The following CCDC7 variants were observed in gnomAD, a reference collection of about 807,000 sequenced individuals.
CCDC7 encodes coiled-coil domain containing 7.
A neutral mutation model predicts 196.9 loss-of-function variants in CCDC7; 183 were observed. The ratio of observed to expected loss-of-function variants is 0.93; its 90% CI spans 0.82 to 1.05. The LOEUF (loss-of-function observed/expected upper bound fraction) is 1.05. Among genes scored for constraint, CCDC7 ranks in the 50% least tolerant of loss-of-function variants. CCDC7 has a pLI of 0.00. For synonymous variants in CCDC7, 525 were observed against 484.6 expected, an observed-to-expected ratio of 1.08 and a Z score of -1.10; for missense variants, 1,540 against 1,482.2, an observed-to-expected ratio of 1.04 and a Z score of -0.64.
intron 20 of CCDC7, among the ~76,000 whole-genome samples, chr10:32,644,946 T>G (rs2067490934): frequency 6.6e-6 from 1 of 152,220 alleles, no homozygotes; most frequent in Non-Finnish European, 1.5e-5. Flanking sequence ...CAATTAAACC[T>G]CTTTTCTTTG....
intron 28 of CCDC7, among the ~76,000 whole-genome samples, chr10:32,774,536 G>C (rs993673618): frequency 4.6e-5 from 7 of 152,232 alleles, no homozygotes; most frequent in African/African-American, 1.7e-4. Context: ...CCTCTTACCA[G>C]CATCAGATTT....
At chr10:32,743,723 A>G (rs1026404057) in intron 28 of CCDC7, among the ~76,000 whole-genome samples, 3 of 152,138 alleles carry the variant, frequency 2.0e-5, no homozygotes, top group African/African-American at 7.2e-5. Flanking sequence ...ACAATAGCAA[A>G]GACTTGGAAC....
At chr10:32,643,271 G>A (rs1299514298) in intron 20 of CCDC7, among the ~76,000 whole-genome samples, 1 of 152,040 alleles carries the variant, frequency 6.6e-6, no homozygotes, top group African/African-American at 2.4e-5. Context: ...CTGAATCTCT[G>A]GTAAGGTTAT....
chr10:32,610,637 T>C (rs961658910), intron 18 of CCDC7, among the ~76,000 whole-genome samples: 5 of 152,134 alleles, frequency 3.3e-5, no homozygotes, highest in Non-Finnish European at 7.3e-5. Flanking sequence ...ATGTTCTCAT[T>C]GTTCAACTCC....
At chr10:32,769,042 C>T (rs917217276) in intron 28 of CCDC7, among the ~76,000 whole-genome samples, 1 of 152,056 alleles carries the variant, frequency 6.6e-6, no homozygotes, top group Non-Finnish European at 1.5e-5. Flanking sequence ...AGAGGATTCT[C>T]TCTTTTTATA....
intron 24 of CCDC7, among the ~76,000 whole-genome samples, chr10:32,698,479 C>G (rs1232543809): frequency 2.0e-5 from 3 of 152,060 alleles, no homozygotes; most frequent in Non-Finnish European, 4.4e-5. Context: ...GACTGGCTAA[C>G]TAGAATAAAC....
At chr10:32,790,858 G>C (rs2082583670) in intron 29 of CCDC7, among the ~76,000 whole-genome samples, 1 of 152,152 alleles carries the variant, frequency 6.6e-6, no homozygotes. Flanking sequence ...GGATACTTCA[G>C]TAGTTTTGCA....
exon 31 of CCDC7, chr10:32,814,436 G>T (rs117833411): frequency 6.2e-7 from 1 of 1,610,002 alleles, no homozygotes; most frequent in South Asian, 1.1e-5. Context: ...TTCAAGACAC[G>T]ATCAAAGAGT....
intron 33 of CCDC7, among the ~76,000 whole-genome samples, chr10:32,841,231 A>T (rs2092951110): frequency 6.6e-6 from 1 of 152,004 alleles, no homozygotes; most frequent in African/African-American, 2.4e-5. Flanking sequence ...TGATGATATG[A>T]TCATATACCT....
intron 28 of CCDC7, among the ~76,000 whole-genome samples, chr10:32,756,402 G>C (rs892121815): frequency 6.6e-6 from 1 of 152,318 alleles, no homozygotes; most frequent in South Asian, 2.1e-4. Context: ...GACTAACAGC[G>C]GATCTCTCCG....
chr10:32,783,826 T>C (rs1254751599), intron 29 of CCDC7, among the ~76,000 whole-genome samples: 1 of 152,242 alleles, frequency 6.6e-6, no homozygotes, highest in South Asian at 2.1e-4. Flanking sequence ...AAATGAATCA[T>C]GTTCTGAAAC....
intron 5 of CCDC7, among the ~76,000 whole-genome samples, chr10:32,466,839 G>C (rs2036899309): frequency 6.6e-6 from 1 of 152,052 alleles, no homozygotes; most frequent in South Asian, 2.1e-4. Flanking sequence ...GATATTTGAG[G>C]AATCATCACA....
At chr10:32,687,163 A>G (rs1322672755) in intron 22 of CCDC7, among the ~76,000 whole-genome samples, 2 of 152,350 alleles carry the variant, frequency 1.3e-5, no homozygotes, top group East Asian at 3.9e-4. Flanking sequence ...TGGAGTTTAT[A>G]GGCACCCAAG....
chr10:32,667,971 T>A (rs1379147582), intron 21 of CCDC7, among the ~76,000 whole-genome samples: 1 of 152,062 alleles, frequency 6.6e-6, no homozygotes, highest in African/African-American at 2.4e-5. Flanking sequence ...GTATGGCCAT[T>A]TTCACGATAT....
intron 18 of CCDC7, among the ~76,000 whole-genome samples, chr10:32,607,882 TTGG>T (rs1243036530): frequency 6.6e-6 from 1 of 152,104 alleles, no homozygotes; most frequent in Non-Finnish European, 1.5e-5. Context: ...TTGAGAAGAA[TTGG>T]TGTTAGTTTC....
intron 30 of CCDC7, among the ~76,000 whole-genome samples, chr10:32,808,371 C>T (rs1463287839): frequency 2.6e-5 from 4 of 152,292 alleles, no homozygotes; most frequent in Middle Eastern, 3.4e-3. Context: ...AGGCCGGGGG[C>T]TCATCCTGCC....
intron 9 of CCDC7, among the ~76,000 whole-genome samples, chr10:32,497,916 G>A (rs1292126867): frequency 2.0e-5 from 3 of 152,094 alleles, no homozygotes; most frequent in African/African-American, 7.2e-5. Context: ...GTTCTGCTTG[G>A]TCTGGAGCTG....
intron 41 of CCDC7, among the ~76,000 whole-genome samples, chr10:32,858,080 G>A (rs1282540011): frequency 7.0e-6 from 1 of 143,488 alleles, no homozygotes; most frequent in Admixed American, 7.2e-5. Context: ...GAATCAGGAA[G>A]AAATAGAAAG....
At chr10:32,576,547 CTTT>C (rs1292038601) in intron 16 of CCDC7, among the ~76,000 whole-genome samples, 3 of 116,850 alleles carry the variant, frequency 2.6e-5, no homozygotes, top group Non-Finnish European at 1.8e-5. Context: ...GCCTGTGTGT[CTTT>C]TTTTTTTTTT....
Sources: allele counts gnomAD v4.1 joint callset (sites outside exome capture counted in the v4.1 genomes callset), GRCh38; gene constraint gnomAD v4.1.1; transcripts MANE v1.5; gene names NCBI Gene and HGNC (gene_info 2026-07-23, HGNC 2026-07-21).